Variants in DAB1 observed in about 807,000 individuals in gnomAD.
The protein encoded by DAB1 is DAB adaptor protein 1, also known as disabled homolog 1.
A neutral mutation model predicts 64.6 loss-of-function variants in DAB1; 15 were observed. That is an observed-to-expected ratio of 0.23 (90% confidence interval 0.16 to 0.36). DAB1 has a LOEUF of 0.36. Ranked by LOEUF, DAB1 falls within the 10% of genes least tolerant of loss-of-function variation. The probability of loss-of-function intolerance (pLI) is 1.00; values close to 1 mark genes in which losing one functional copy is unlikely to be tolerated. For synonymous variants in DAB1, 235 were observed against 251.9 expected (o/e 0.93, Z 0.64); for missense variants, 596 against 706.7 (o/e 0.84, Z 1.78).
chr1:57,965,885 T>C (rs1645651853), intron 5 of DAB1, among the ~76,000 whole-genome samples: 1 of 152,140 alleles, frequency 6.6e-6, no homozygotes, highest in Non-Finnish European at 1.5e-5. Context: ...GTTATGTGCA[T>C]TGTGGCAAAT....
intron 7 of DAB1, among the ~76,000 whole-genome samples, chr1:57,610,425 G>A (rs1479339747): frequency 2.6e-5 from 4 of 152,142 alleles, no homozygotes; most frequent in African/African-American, 9.7e-5. Context: ...AAGGAAATAA[G>A]AGGCCCAGAG....
chr1:57,912,777 C>T (rs1383226447), intron 5 of DAB1, among the ~76,000 whole-genome samples: 2 of 152,142 alleles, frequency 1.3e-5, no homozygotes, highest in Non-Finnish European at 2.9e-5. Flanking sequence ...GCAAAAATCA[C>T]AAGTATTCTT....
chr1:58,131,434 G>A (rs1261822247), intron 5 of DAB1, among the ~76,000 whole-genome samples: 147 of 145,466 alleles, frequency 1.0e-3, no homozygotes, highest in South Asian at 1.6e-3. Context: ...TAATTTGATC[G>A]TCTGAAGCCT....
chr1:57,278,066 G>T (rs190540381), intron 2 of DAB1, among the ~76,000 whole-genome samples: 147 of 152,314 alleles, frequency 9.7e-4, no homozygotes, highest in African/African-American at 3.2e-3. Flanking sequence ...TTTACAACAG[G>T]AACCAGACCC....
At chr1:57,176,970 T>TAAAA (rs146465598) in intron 2 of DAB1, among the ~76,000 whole-genome samples, 2 of 61,048 alleles carry the variant, frequency 3.3e-5, no homozygotes, top group Admixed American at 1.9e-4. Context: ...CAGCAGCAGA[T>TAAAA]ATAAAAAAAA....
intron 4 of DAB1, among the ~76,000 whole-genome samples, chr1:58,305,224 G>A (rs1271522887): frequency 6.6e-6 from 1 of 152,054 alleles, no homozygotes. Flanking sequence ...GGATAACTGT[G>A]CCCTGCAAAA....
chr1:57,446,616 A>AT (rs1686151854), intron 7 of DAB1, among the ~76,000 whole-genome samples: 1 of 151,476 alleles, frequency 6.6e-6, no homozygotes. Context: ...AAAAAAAAAA[A>AT]TTTAGAGAAT....
At chr1:58,279,536 T>C (rs1301009252) in intron 4 of DAB1, among the ~76,000 whole-genome samples, 3 of 152,218 alleles carry the variant, frequency 2.0e-5, no homozygotes, top group Non-Finnish European at 4.4e-5. Flanking sequence ...CAGGGTATTA[T>C]TGCCTTCATT....
intron 1 of DAB1, among the ~76,000 whole-genome samples, chr1:57,378,155 G>A (rs1214022794): frequency 6.6e-6 from 1 of 152,142 alleles, no homozygotes; most frequent in Non-Finnish European, 1.5e-5. Context: ...AGGGTCTGGA[G>A]GGACAAACAA....
chr1:57,456,461 C>A (rs1686596416), intron 7 of DAB1, among the ~76,000 whole-genome samples: 1 of 151,982 alleles, frequency 6.6e-6, no homozygotes, highest in African/African-American at 2.4e-5. Context: ...GAATTCAAAG[C>A]ATAAAGTAAA....
chr1:58,506,138 T>G (rs745685522), exon 3 of DAB1: 4 of 872,222 alleles, frequency 4.6e-6, no homozygotes, highest in Middle Eastern at 2.2e-4. Flanking sequence ...GCATCTTGGG[T>G]TGGCCATGCA....
chr1:57,798,643 C>T (rs533615631), intron 6 of DAB1, among the ~76,000 whole-genome samples: 1 of 152,302 alleles, frequency 6.6e-6, no homozygotes, highest in South Asian at 2.1e-4. Flanking sequence ...GCAGCTTCTC[C>T]CTTTCTGCCT....
At chr1:57,657,381 T>G (rs1646331467) in intron 6 of DAB1, among the ~76,000 whole-genome samples, 1 of 152,204 alleles carries the variant, frequency 6.6e-6, no homozygotes, top group Admixed American at 6.5e-5. Flanking sequence ...GTAAAACCCC[T>G]AGGGGAACCA....
At chr1:57,986,754 G>T (rs150430894) in intron 5 of DAB1, among the ~76,000 whole-genome samples, 1 of 152,100 alleles carries the variant, frequency 6.6e-6, no homozygotes, top group African/African-American at 2.4e-5. Context: ...CCAAAGCCAC[G>T]TCCTCTCCAT....
chr1:57,584,568 C>G (rs1193100735), intron 7 of DAB1, among the ~76,000 whole-genome samples: 1 of 152,162 alleles, frequency 6.6e-6, no homozygotes, highest in Non-Finnish European at 1.5e-5. Context: ...CCTCTGCATT[C>G]CCTCCCTGGG....
At chr1:57,117,656 G>A (rs1356320621) in intron 4 of DAB1, among the ~76,000 whole-genome samples, 1 of 152,116 alleles carries the variant, frequency 6.6e-6, no homozygotes, top group Non-Finnish European at 1.5e-5. Flanking sequence ...TGAGTTCCAG[G>A]GCATTTGTAA....
chr1:57,391,398 A>G (rs1175742812), intron 1 of DAB1, among the ~76,000 whole-genome samples: 1 of 152,186 alleles, frequency 6.6e-6, no homozygotes, highest in Non-Finnish European at 1.5e-5. Context: ...GAATCCATGA[A>G]ACATAAAACA....
chr1:57,338,547 C>T (rs528557663), intron 1 of DAB1, among the ~76,000 whole-genome samples: 1 of 152,180 alleles, frequency 6.6e-6, no homozygotes, highest in East Asian at 1.9e-4. Context: ...TATTTTTATG[C>T]AAGTTTCTGT....
chr1:57,606,741 T>TTATATAAATATATTCTATATATTA (rs1645657164), intron 7 of DAB1, among the ~76,000 whole-genome samples: 3 of 133,166 alleles, frequency 2.3e-5, no homozygotes, highest in Non-Finnish European at 3.1e-5. Flanking sequence ...GAAATATATA[T>TTATATAAATATATTCTATATATTA]TATATAAATA....
Sources: allele counts gnomAD v4.1 joint callset (sites outside exome capture counted in the v4.1 genomes callset), GRCh38; gene constraint gnomAD v4.1.1; transcripts MANE v1.5; gene names NCBI Gene and HGNC (gene_info 2026-07-23, HGNC 2026-07-21).